TTI1: variants seen among roughly 807,000 people sequenced by gnomAD.
TTI1 encodes TELO2-interacting protein 1 homolog.
In TTI1, 52 loss-of-function variants were observed where a neutral mutation model predicts 85.4. The ratio of observed to expected loss-of-function variants is 0.61; its 90% CI spans 0.49 to 0.77. TTI1 has a LOEUF of 0.77. TTI1 is among the 30% of genes least tolerant of loss of function. TTI1 has a pLI of 0.00. For synonymous variants in TTI1, 512 were observed against 503.9 expected (o/e 1.02, Z -0.22); for missense variants, 1,173 against 1,296.0 (o/e 0.91, Z 1.46).
chr20:37,999,322 C>A lies in TTI1; in HGVS notation c.2659G>T (p.Asp887Tyr). The change falls in exon 5 of 8, where the codon GAT becomes TAT. Residue 887 changes from aspartate to tyrosine, a missense_variant. Asp to Tyr is a radical substitution (Grantham distance 160). Transcript: ENST00000373447. The stretch of plus-strand genomic sequence containing the variant: ...ACAACCACACACAGATCCAGCACAT[C>A]CAAGACCTGAAAGAGACACGATTTC... ...KNLQIRLKVL[D>Y]VLDLCVVVLQ... 7.0e-7 allele frequency: 1 copy of A among 1,420,078 alleles called. No individual in the cohort carries two copies. Among genetic ancestry groups the A allele is most frequent in the South Asian group, 1.7e-5 (1 of 59,602 alleles). The allele number at this position is 1,420,078 out of a possible 1,614,324, so 88.0% of individuals were successfully genotyped here.
At chr20:38,004,797 G>A (rs886723471) in intron 3 of TTI1, among the ~76,000 whole-genome samples, 2 of 152,216 alleles carry the variant, frequency 1.3e-5, no homozygotes, top group African/African-American at 4.8e-5. Context: ...TGGATTCACT[G>A]ACAGTGCTCA....
chr20:37,992,085 C>T (rs953543884), intron 7 of TTI1, among the ~76,000 whole-genome samples: 1 of 152,178 alleles, frequency 6.6e-6, no homozygotes, highest in Non-Finnish European at 1.5e-5. Context: ...AGCGCCCCAT[C>T]AGGGGCTACA....
chr20:38,014,580 G>A (rs754146487), intron 1 of TTI1, among the ~76,000 whole-genome samples: 1 of 152,148 alleles, frequency 6.6e-6, no homozygotes, highest in African/African-American at 2.4e-5. Flanking sequence ...GAGACTGACA[G>A]CAACATAAAG....
intron 2 of TTI1, among the ~76,000 whole-genome samples, chr20:38,007,939 T>G (rs968365585): frequency 6.6e-6 from 1 of 152,238 alleles, no homozygotes; most frequent in African/African-American, 2.4e-5. Flanking sequence ...GCATTTACAC[T>G]GCTAAGACTA....
At chr20:38,015,570 G>T (rs1020380573) in intron 1 of TTI1, among the ~76,000 whole-genome samples, 3 of 152,084 alleles carry the variant, frequency 2.0e-5, no homozygotes, top group African/African-American at 7.2e-5. Flanking sequence ...GGTAGAAAAA[G>T]CATTTGAGCA....
chr20:37,999,509 T>C (rs1291327251), intron 4 of TTI1, among the ~76,000 whole-genome samples, 181 bp from the exon 5 acceptor site: 1 of 152,136 alleles, frequency 6.6e-6, no homozygotes, highest in East Asian at 1.9e-4. Flanking sequence ...AAATACACGT[T>C]TCCTTGCCTT....
At chr20:38,024,997 C>T (rs1271474056) in intron 1 of TTI1, among the ~76,000 whole-genome samples, 2 of 152,174 alleles carry the variant, frequency 1.3e-5, no homozygotes, top group African/African-American at 2.4e-5. Flanking sequence ...CCCAGCAGTA[C>T]ACCTCCACTC....
At chr20:38,023,295 C>A (rs983976947) in intron 1 of TTI1, among the ~76,000 whole-genome samples, 2 of 152,218 alleles carry the variant, frequency 1.3e-5, no homozygotes, top group East Asian at 3.9e-4. Flanking sequence ...AGGTTCCCAA[C>A]CTGGCTGTTT....
intron 7 of TTI1, among the ~76,000 whole-genome samples, chr20:37,988,720 T>C (rs1262205107): frequency 6.6e-6 from 1 of 152,178 alleles, no homozygotes; most frequent in Non-Finnish European, 1.5e-5. Context: ...CTCAGAAATG[T>C]CTCCTTAGGA....
At chr20:37,984,351 A>T (rs2073163018) in intron 7 of TTI1, among the ~76,000 whole-genome samples, 1 of 152,222 alleles carries the variant, frequency 6.6e-6, no homozygotes. Context: ...CTGACGCATG[A>T]CAGGGACAGA....
At chr20:38,020,350 A>ATATATATATATATATATGTATG (rs1487473454) in intron 1 of TTI1, among the ~76,000 whole-genome samples, 2 of 125,846 alleles carry the variant, frequency 1.6e-5, no homozygotes, top group Non-Finnish European at 3.3e-5. Context: ...ATATATATAT[A>ATATATATATATATATATGTATG]TATGTATGTA....
chr20:37,983,617 C>A lies in TTI1; in HGVS notation c.3109G>T (p.Val1037Leu). The A allele has an allele frequency of 6.5e-7, 1 of 1,536,882 alleles. No homozygotes were observed. The highest frequency in any genetic ancestry group is 8.8e-7 in the Non-Finnish European group (1 of 1,140,564). ...AGGAACCAGGTGGAGTCTGGGTCCA[C>A]CTTCATCAAGTGGAGGAAGACGCTG... ...ARSVFLHLMK[V>L]DPDSTWFLLN... Residue 1037 changes from valine to leucine, a missense_variant, in exon 8 of 8, where the codon GTG becomes TTG. Coordinates refer to ENST00000373447, the MANE Select transcript of TTI1 (RefSeq NM_001303457.2).
chr20:37,988,186 T>G lies in TTI1; in HGVS notation c.3087-4547A>C, dbSNP rs2122480681. Reference sequence around the variant, plus strand: ...ACTGTTGCAAGGGCCAGCCTAGAAGTGATGTGCGGGTGGCACCAGGCATGG... The same window carrying G: ...ACTGTTGCAAGGGCCAGCCTAGAAGGGATGTGCGGGTGGCACCAGGCATGG... On this transcript the variant is annotated intron_variant, in intron 7 of 7. Transcript: ENST00000373447. 2.0e-5 allele frequency among the ~76,000 whole-genome samples: 3 copies of G among 152,232 alleles called. 1 individual carries two copies. The Middle Eastern group carries it at 0.01, about 518-fold the overall frequency.
In TTI1 at chr20:38,020,344, ATATATATATG is replaced by A. The variant is rs201794749; in HGVS notation, c.-41-6497_-41-6488del. On this transcript the variant is annotated intron_variant, in intron 1 of 7. Coordinates refer to ENST00000373447, the MANE Select transcript of TTI1 (RefSeq NM_001303457.2). ...AAAAAATATATATATATATATATAT[ATATATATATG>A]TATGTATCTTGATTCCATCACATCC... 8.9e-4 allele frequency among the ~76,000 whole-genome samples: 112 copies of A among 125,734 alleles called. 1 individual carries two copies. The highest frequency in any genetic ancestry group is 1.9e-3 in the South Asian group (7 of 3,640). 82.5% of individuals were successfully genotyped at this position (125,734 alleles called of 152,430 possible).
rs532585753 is a variant in TTI1 at position 38,001,879 on chromosome 20, C to T, written c.2652+749G>A. ...GATAACAGGCATGCACCACCATGCC[C>T]GGTTAATTTTGTGTTTTTAGTAGAG... On this transcript the variant is annotated intron_variant, in intron 4 of 7. Transcript: ENST00000373447. Among the ~76,000 whole-genome samples, 13 of 152,238 alleles carry T rather than the reference C, an allele frequency of 8.5e-5. No individual in the cohort carries two copies. In the East Asian group the frequency reaches 1.2e-3, roughly 14 times the overall value.
At chr20:38,025,948 T>C (rs890143027) in intron 1 of TTI1, among the ~76,000 whole-genome samples, 2 of 152,182 alleles carry the variant, frequency 1.3e-5, no homozygotes, top group African/African-American at 4.8e-5. Flanking sequence ...TCAGGGAACC[T>C]GTGGGACCAA....
At chr20:38,009,284 C>T (rs574065628) in intron 2 of TTI1, among the ~76,000 whole-genome samples, 1 of 152,256 alleles carries the variant, frequency 6.6e-6, no homozygotes, top group Admixed American at 6.5e-5. Context: ...CTAAGTGGGT[C>T]TTATTCATGG....
In TTI1 at chr20:38,012,190, C is replaced by T. The variant is rs376630302; in HGVS notation, c.1627G>A (p.Glu543Lys). The change falls in exon 2 of 8, where the codon GAA becomes AAA. Residue 543 changes from glutamate (E) to lysine (K), a missense_variant. Glu to Lys is a moderately conservative substitution (Grantham distance 56, BLOSUM62 1). Coordinates refer to ENST00000373447, the MANE Select transcript of TTI1 (RefSeq NM_001303457.2). Reference protein sequence around the residue: ...AAGLEVEDLHEKHIKTNPEEL... With the variant: ...AAGLEVEDLHKKHIKTNPEEL... ...TCTGGGTTTGTTTTAATATGTTTTT[C>T]GTGAAGATCCTCAACCTCCAGCCCA... 8 of 1,614,120 alleles carry T rather than the reference C, an allele frequency of 5.0e-6. No homozygotes were observed. The highest frequency in any genetic ancestry group is 2.2e-5 in the East Asian group (1 of 44,886).
chr20:37,988,708 T>A (rs1189621012), intron 7 of TTI1, among the ~76,000 whole-genome samples: 1 of 152,230 alleles, frequency 6.6e-6, no homozygotes, highest in Non-Finnish European at 1.5e-5. Context: ...CTAAAGAAGT[T>A]ACTCAGAAAT....
Sources: gnomAD v4.1 joint callset for allele counts (sites outside exome capture counted in the v4.1 genomes callset) on GRCh38, gnomAD v4.1.1 for gene constraint, MANE v1.5 for transcripts, NCBI Gene and HGNC (gene_info 2026-07-23, HGNC 2026-07-21) for gene names.